The following KPNA6 variants were observed in gnomAD, a reference collection of about 807,000 sequenced individuals.
KPNA6 encodes the protein karyopherin subunit alpha 6, also known as importin subunit alpha-7.
Under a neutral mutation model 72.0 loss-of-function variants are expected in KPNA6, and 9 were observed. The ratio of observed to expected loss-of-function variants is 0.13; its 90% CI spans 0.08 to 0.22. The LOEUF (loss-of-function observed/expected upper bound fraction) is 0.22, where lower values mean the gene tolerates loss of function less well. KPNA6 is among the 10% of genes least tolerant of loss of function. The pLI, the probability that KPNA6 is intolerant of heterozygous loss-of-function variation, is 1.00. For missense variants in KPNA6, 374 were observed against 655.7 expected (o/e 0.57, Z 4.69); for synonymous variants, 219 against 242.1 (o/e 0.90, Z 0.89).
In KPNA6 at chr1:32,157,375, G is replaced by T; in HGVS notation, c.261G>T (p.Glu87Asp). The T allele has an allele frequency of 6.2e-7, 1 of 1,614,020 alleles. No homozygotes were observed. Among genetic ancestry groups the T allele is most frequent in the Non-Finnish European group, 8.5e-7 (1 of 1,179,900 alleles). Residue 87 changes from glutamate to aspartate, a missense_variant, in exon 4 of 14, where the codon GAG becomes GAT. Physicochemically the swap from Glu to Asp is conservative, Grantham distance 45. Coordinates refer to ENST00000373625, the MANE Select transcript of KPNA6 (RefSeq NM_012316.5). ...GESVITREMV[E>D]MLFSDDSDLQ... Reference sequence around the variant, plus strand: ...GTGTGATCACAAGAGAGATGGTGGAGATGCTCTTTTCTGATGATTCTGACC... The same window carrying T: ...GTGTGATCACAAGAGAGATGGTGGATATGCTCTTTTCTGATGATTCTGACC...
chr1:32,143,087 C>A, intron 1 of KPNA6: 1 of 982,404 alleles, frequency 1.0e-6, no homozygotes, highest in Non-Finnish European at 1.4e-6. Flanking sequence ...CTGTTAGTCT[C>A]ACAGGGATAA....
chr1:32,118,997 CATATATATATAT>C (rs71578197), intron 1 of KPNA6, among the ~76,000 whole-genome samples: 25 of 59,824 alleles, frequency 4.2e-4, no homozygotes, highest in African/African-American at 1.1e-3. Flanking sequence ...TGTGTGTATA[CATATATATATAT>C]ATATATATAT....
chr1:32,161,981 C>T lies in KPNA6; in HGVS notation c.682C>T (p.Arg228Trp), dbSNP rs1022101050. 1.2e-6 allele frequency: 2 copies of T among 1,613,980 alleles called. No homozygotes were observed. The highest frequency in any genetic ancestry group is 1.7e-5 in the Admixed American group (1 of 59,982). ...CAAGTCCACACGACTGACGATGACACGGAATGCAGTCTGGGCCCTGTCAAA... is the reference window on the plus strand; with the variant it reads ...CAAGTCCACACGACTGACGATGACATGGAATGCAGTCTGGGCCCTGTCAAA... ...LTKSTRLTMT[R>W]NAVWALSNLC... is the part of the protein sequence containing the mutation. Residue 228 changes from arginine (R) to tryptophan (W), a missense_variant, in exon 8 of 14, where the codon CGG becomes TGG. This residue lies in a region of KPNA6 where 298 missense variants were observed against 495.4 expected (regional missense o/e 0.60). Coordinates refer to ENST00000373625, the MANE Select transcript of KPNA6 (RefSeq NM_012316.5).
At chr1:32,164,345 C>G (rs971256728) in intron 10 of KPNA6, among the ~76,000 whole-genome samples, 1 of 152,170 alleles carries the variant, frequency 6.6e-6, no homozygotes, top group African/African-American at 2.4e-5. Flanking sequence ...AATAATGCTG[C>G]TATGAACATT....
intron 9 of KPNA6, among the ~76,000 whole-genome samples, chr1:32,162,861 T>C (rs979736577): frequency 1.0e-4 from 14 of 138,956 alleles, no homozygotes; most frequent in Non-Finnish European, 2.0e-4. Flanking sequence ...TCCCAGCACT[T>C]TGGGAGGCTG....
chr1:32,150,127 C>CTTTTTTTTTTTTTTTT (rs35179721), intron 1 of KPNA6, among the ~76,000 whole-genome samples: 4 of 87,052 alleles, frequency 4.6e-5, no homozygotes, highest in Non-Finnish European at 8.9e-5. Context: ...AATTTTTAGT[C>CTTTTTTTTTTTTTTTT]TTTTTTTTTT....
chr1:32,169,924 G>A lies in KPNA6; in HGVS notation c.1287G>A (p.Leu429=), dbSNP rs1291532365. ...GCTGCATCAAACCCCTATGTGACTT[G>A]CTGACTGTAATGGATTCGAAGATTG... ...SLGCIKPLCD[L]LTVMDSKIVQ... The change falls in exon 13 of 14, where the codon TTG becomes TTA. Residue 429 remains leucine, a synonymous_variant. Coordinates refer to ENST00000373625, the MANE Select transcript of KPNA6 (RefSeq NM_012316.5). The A allele has an allele frequency of 6.2e-7, 1 of 1,614,062 alleles. No individual in the cohort carries two copies.
rs1642493297 is a variant in KPNA6, at chr1:32,174,472, C to T, written c.*3578C>T. ...CTTCCCCCCACACCCTAAAGTTGTA[C>T]TTGTTTCTAGCAAACTAGAAGGAAA... On this transcript the variant is annotated 3_prime_UTR_variant, in exon 14 of 14. Coordinates refer to ENST00000373625, the MANE Select transcript of KPNA6 (RefSeq NM_012316.5). The T allele has an allele frequency of 6.6e-6, 1 of 152,208 alleles. No homozygotes were observed. The highest frequency in any genetic ancestry group is 1.9e-4 in the East Asian group (1 of 5,202). The allele number at this position is 152,208 out of a possible 1,614,324, so 9.4% of individuals were successfully genotyped here. A position where few individuals can be genotyped will look rare whatever the true frequency, so the allele number is the denominator to read the frequency against.
Position 32,172,115 on chromosome 1 carries a change from G to C in KPNA6, c.*1221G>C, listed in dbSNP as rs973599915. The C allele has an allele frequency of 6.6e-6, 1 of 152,166 alleles. No homozygotes were observed. Among genetic ancestry groups the C allele is most frequent in the African/African-American group, 2.4e-5 (1 of 41,428 alleles). The allele number at this position is 152,166 out of a possible 1,614,324, so 9.4% of individuals were successfully genotyped here. A position where few individuals can be genotyped will look rare whatever the true frequency, so the allele number is the denominator to read the frequency against. On this transcript the variant is annotated 3_prime_UTR_variant, in exon 14 of 14. Coordinates refer to ENST00000373625, the MANE Select transcript of KPNA6 (RefSeq NM_012316.5). ...TTAATTGGTCTCAAGAGGAAGAACT[G>C]TCTGTCATTTCGGTAAGTAGGATAC... is the stretch of plus-strand genomic sequence containing the variant.
intron 1 of KPNA6, among the ~76,000 whole-genome samples, chr1:32,132,006 T>C (rs1252625678): frequency 6.6e-6 from 1 of 152,092 alleles, no homozygotes; most frequent in Non-Finnish European, 1.5e-5. Flanking sequence ...AGTCTTGCTC[T>C]GTTGCCCAGG....
At position 32,170,992 on chromosome 1, in the gene KPNA6, AC is replaced by A; in HGVS notation, c.*100del. ...GAAACCAGTGTCCCCACCATCAGCC[AC>A]CACACACCTCTGCTGCCCTGGAGAC... is the stretch of plus-strand genomic sequence containing the variant. On this transcript the variant is annotated 3_prime_UTR_variant, in exon 14 of 14. Transcript: ENST00000373625. 9.7e-7 allele frequency: 1 copy of A among 1,032,642 alleles called. No homozygotes were observed. Among genetic ancestry groups the A allele is most frequent in the Non-Finnish European group, 1.5e-6 (1 of 683,246 alleles). 64.0% of individuals were successfully genotyped at this position (1,032,642 alleles called of 1,614,324 possible).
At chr1:32,120,032 G>A (rs150748355) in intron 1 of KPNA6, among the ~76,000 whole-genome samples, 269 of 151,326 alleles carry the variant, frequency 1.8e-3, no homozygotes, top group Non-Finnish European at 3.0e-3. Flanking sequence ...CACCACGCCC[G>A]GCCTGGATTT....
rs530701844 is a variant in KPNA6 at position 32,120,656 on chromosome 1, G to A, written c.4+12522G>A. Among the ~76,000 whole-genome samples, 45 of 131,860 alleles carry A rather than the reference G, an allele frequency of 3.4e-4. 1 individual carries two copies. Among genetic ancestry groups the A allele is most frequent in the Admixed American group, 1.7e-3 (23 of 13,228 alleles). 86.5% of individuals were successfully genotyped at this position (131,860 alleles called of 152,430 possible). A position where few individuals can be genotyped will look rare whatever the true frequency, so the allele number is the denominator to read the frequency against. ...ATCTCAGCTCACTGCAACCTCCGCC[G>A]CCTGGGTTCAAGAGATTCTCCTGCC... On this transcript the variant is annotated intron_variant, in intron 1 of 13. Coordinates refer to ENST00000373625, the MANE Select transcript of KPNA6 (RefSeq NM_012316.5).
intron 1 of KPNA6, among the ~76,000 whole-genome samples, chr1:32,116,666 T>A (rs1641334426): frequency 6.6e-6 from 1 of 152,062 alleles, no homozygotes; most frequent in South Asian, 2.1e-4. Flanking sequence ...AAAAGAACTT[T>A]TCCTTTGCAT....
chr1:32,165,524 CA>C (rs920358384), intron 10 of KPNA6, among the ~76,000 whole-genome samples: 124 of 137,558 alleles, frequency 9.0e-4, no homozygotes, highest in African/African-American at 1.7e-3. Context: ...CCTGTCTCTA[CA>C]AAAAAAAAAA....
At chr1:32,123,000 G>A (rs914321607) in intron 1 of KPNA6, among the ~76,000 whole-genome samples, 19 of 151,980 alleles carry the variant, frequency 1.3e-4, no homozygotes, top group Non-Finnish European at 2.6e-4. Context: ...GAGCAAAAAG[G>A]CAGTTTGATG....
chr1:32,159,879 C>T (rs1642206069), intron 6 of KPNA6, among the ~76,000 whole-genome samples: 1 of 152,222 alleles, frequency 6.6e-6, no homozygotes, highest in South Asian at 2.1e-4. Flanking sequence ...GTACCCATAT[C>T]TGAGTACCCA....
intron 1 of KPNA6, among the ~76,000 whole-genome samples, chr1:32,152,319 C>T (rs539486352): frequency 6.6e-6 from 1 of 151,928 alleles, no homozygotes; most frequent in Admixed American, 6.6e-5. Flanking sequence ...TAGAGGGAGG[C>T]CCTATCTCAA....
intron 1 of KPNA6, among the ~76,000 whole-genome samples, chr1:32,153,987 A>G (rs1642086845): frequency 1.3e-5 from 2 of 152,110 alleles, no homozygotes; most frequent in Admixed American, 6.5e-5. Flanking sequence ...TCTCTACTAA[A>G]AATATAAAAA....
Sources: allele counts gnomAD v4.1 joint callset (sites outside exome capture counted in the v4.1 genomes callset), GRCh38; gene constraint gnomAD v4.1.1; regional missense constraint gnomAD v4.1.1; transcripts MANE v1.5; gene names NCBI Gene and HGNC (gene_info 2026-07-23, HGNC 2026-07-21).